The following UBE4B variants were observed in gnomAD, a reference collection of about 807,000 sequenced individuals.
UBE4B encodes ubiquitination factor E4B.
In UBE4B, 27 loss-of-function variants were observed where a neutral mutation model predicts 148.1. The ratio of observed to expected loss-of-function variants is 0.18; its 90% CI spans 0.13 to 0.25. The LOEUF is 0.25. Among genes scored for constraint, UBE4B ranks in the 10% least tolerant of loss-of-function variants. The probability of loss-of-function intolerance (pLI) is 1.00; values close to 1 mark genes in which losing one functional copy is unlikely to be tolerated. For synonymous variants in UBE4B, 596 were observed against 619.3 expected (o/e 0.96, Z 0.56); for missense variants, 1,170 against 1,662.4 (o/e 0.70, Z 5.15).
Position 10,129,454 on chromosome 1 carries a change from C to T in UBE4B, c.1695+6C>T. ...CACACCCTGTGTGCAATTTGGTAAG[C>T]ACTCACCTGATGGGCTTGCACATTT... On this transcript the variant is annotated splice_donor_region_variant and intron_variant, in intron 12 of 27. Coordinates refer to ENST00000343090, the MANE Select transcript of UBE4B (RefSeq NM_001105562.3). The T allele has an allele frequency of 3.7e-6, 6 of 1,610,184 alleles. No homozygotes were observed. The highest frequency in any genetic ancestry group is 5.1e-6 in the Non-Finnish European group (6 of 1,176,846).
chr1:10,125,560 G>A (rs919512812), intron 10 of UBE4B, among the ~76,000 whole-genome samples: 4 of 152,210 alleles, frequency 2.6e-5, no homozygotes, highest in African/African-American at 9.6e-5. Flanking sequence ...GAAATTAGTA[G>A]GAAAGGGAAT....
In UBE4B at chr1:10,086,905, G is replaced by T. The variant is rs780845235; in HGVS notation, c.212-8556G>T. Among the ~76,000 whole-genome samples, 30 of 152,066 alleles carry T rather than the reference G, an allele frequency of 2.0e-4. 1 individual carries two copies. Among genetic ancestry groups the T allele is most frequent in the Admixed American group, 9.2e-4 (14 of 15,262 alleles). On this transcript the variant is annotated intron_variant, in intron 2 of 27. Coordinates refer to ENST00000343090, the MANE Select transcript of UBE4B (RefSeq NM_001105562.3). The stretch of plus-strand genomic sequence containing the variant: ...GGGTTTCACCATGTTGGCCAGGCTG[G>T]TGTCAAACTCCTGATCTCGGCCTCC...
intron 21 of UBE4B, among the ~76,000 whole-genome samples, chr1:10,154,005 C>T (rs1646023917): frequency 6.6e-6 from 1 of 152,110 alleles, no homozygotes; most frequent in African/African-American, 2.4e-5. Flanking sequence ...TCACTTGAAC[C>T]CGCGAGGCAG....
At chr1:10,104,463 T>G (rs1645073482) in intron 5 of UBE4B, among the ~76,000 whole-genome samples, 1 of 152,148 alleles carries the variant, frequency 6.6e-6, no homozygotes, top group Non-Finnish European at 1.5e-5. Flanking sequence ...TAGAAGGATA[T>G]CTTGCACAAA....
At chr1:10,158,257 T>C in intron 21 of UBE4B, 99 bp from the exon 22 acceptor site, 1 of 1,429,220 alleles carries the variant, frequency 7.0e-7, no homozygotes. Flanking sequence ...TCTCTGATTT[T>C]GCAGGTTTAC....
At chr1:10,176,403 T>G (rs1289967273) in intron 25 of UBE4B, among the ~76,000 whole-genome samples, 1 of 152,192 alleles carries the variant, frequency 6.6e-6, no homozygotes, top group Non-Finnish European at 1.5e-5. Context: ...TGTTTAACTT[T>G]TTGAGGGATG....
At chr1:10,157,534 C>T (rs896755206) in intron 21 of UBE4B, among the ~76,000 whole-genome samples, 2 of 151,902 alleles carry the variant, frequency 1.3e-5, no homozygotes, top group Non-Finnish European at 2.9e-5. Context: ...AATCCCAGCA[C>T]TTTGGGAGGC....
chr1:10,122,384 A>G (rs1645425278), intron 10 of UBE4B, among the ~76,000 whole-genome samples: 1 of 152,224 alleles, frequency 6.6e-6, no homozygotes, highest in Non-Finnish European at 1.5e-5. Context: ...AAGAATACCC[A>G]GAGACGGCAT....
In UBE4B at chr1:10,040,389, G is replaced by A. The variant is rs143689360; in HGVS notation, c.24+6695G>A. The stretch of plus-strand genomic sequence containing the variant: ...CTCCCAAAGTGCTGGGATTACAGGT[G>A]TCAGCTACCACGCCAGGCCTCCGGC... On this transcript the variant is annotated intron_variant, in intron 1 of 27. Transcript: ENST00000343090. Among the ~76,000 whole-genome samples the A allele has an allele frequency of 1.1e-4, 16 of 152,164 alleles. No individual in the cohort carries two copies. The East Asian group carries it at 3.1e-3, about 29-fold the overall frequency.
intron 26 of UBE4B, 164 bp downstream of exon 26, chr1:10,178,982 T>A: frequency 1.4e-6 from 1 of 718,952 alleles, no homozygotes; most frequent in Non-Finnish European, 2.1e-6. Flanking sequence ...GCTCATATTG[T>A]AAATTGAGAG....
chr1:10,048,507 A>G (rs1186635943), intron 1 of UBE4B, among the ~76,000 whole-genome samples: 1 of 152,174 alleles, frequency 6.6e-6, no homozygotes, highest in Non-Finnish European at 1.5e-5. Context: ...CATTCCAGCA[A>G]TTAAAGGTTG....
At chr1:10,129,249 G>A in intron 11 of UBE4B, 143 bp from the exon 12 acceptor site, 1 of 548,352 alleles carries the variant, frequency 1.8e-6, no homozygotes, top group Non-Finnish European at 3.2e-6. Flanking sequence ...AAGTAGTGAA[G>A]CTGCTGCCAT....
intron 2 of UBE4B, among the ~76,000 whole-genome samples, chr1:10,080,366 G>A (rs573992053): frequency 6.6e-6 from 1 of 151,140 alleles, no homozygotes; most frequent in African/African-American, 2.4e-5. Context: ...GTTGCAGTGA[G>A]CCAAGATCCC....
intron 1 of UBE4B, among the ~76,000 whole-genome samples, chr1:10,064,692 G>A (rs1474036988): frequency 6.6e-6 from 1 of 151,558 alleles, no homozygotes; most frequent in African/African-American, 2.4e-5. Flanking sequence ...ACTGTGTACT[G>A]CTGTACATGG....
At chr1:10,061,203 C>G in intron 1 of UBE4B, among the ~76,000 whole-genome samples, 1 of 152,250 alleles carries the variant, frequency 6.6e-6, no homozygotes, top group South Asian at 2.1e-4. Flanking sequence ...TAAAAGGGAG[C>G]TATCAGAAGA....
In UBE4B at chr1:10,144,810, A is replaced by T. The variant is rs115629793; in HGVS notation, c.2364-130A>T. 9.4e-3 allele frequency: 5,574 copies of T among 591,102 alleles called. 45 individuals carry two copies. The highest frequency in any genetic ancestry group is 0.012 in the Non-Finnish European group (3,998 of 333,404). 36.6% of individuals were successfully genotyped at this position (591,102 alleles called of 1,614,324 possible). On this transcript the variant is annotated intron_variant, in intron 17 of 27. Transcript: ENST00000343090. ...TGATTTGCCGCTGGTTGTAAGATAT[A>T]CTCTGATTTTAAAGATGTTACAATG...
At chr1:10,112,291 A>G (rs945317049) in intron 7 of UBE4B, among the ~76,000 whole-genome samples, 2 of 152,242 alleles carry the variant, frequency 1.3e-5, no homozygotes, top group South Asian at 2.1e-4. Flanking sequence ...TCAATATGAC[A>G]TATTTCCAAG....
intron 2 of UBE4B, among the ~76,000 whole-genome samples, chr1:10,086,710 T>G (rs1644771622): frequency 6.6e-6 from 1 of 152,094 alleles, no homozygotes; most frequent in Non-Finnish European, 1.5e-5. Context: ...TTCTCTTTTT[T>G]TTTTGAGATG....
chr1:10,148,068 A>T (rs1300175244), intron 19 of UBE4B, among the ~76,000 whole-genome samples: 1 of 152,134 alleles, frequency 6.6e-6, no homozygotes, highest in African/African-American at 2.4e-5. Context: ...TCTACTAAAA[A>T]TACAAAAAAT....
Sources: allele counts gnomAD v4.1 joint callset (sites outside exome capture counted in the v4.1 genomes callset), GRCh38; gene constraint gnomAD v4.1.1; transcripts MANE v1.5; gene names NCBI Gene and HGNC (gene_info 2026-07-23, HGNC 2026-07-21).